The following TPRG1 variants were observed in gnomAD, a reference collection of about 807,000 sequenced individuals.
The protein encoded by TPRG1 is tumor protein p63 regulated 1, also known as tumor protein p63-regulated gene 1 protein.
Under a neutral mutation model 29.3 loss-of-function variants are expected in TPRG1, and 29 were observed. The observed-to-expected ratio is 0.99, with a 90% CI of 0.74 to 1.35. TPRG1 has a LOEUF of 1.35. Among genes scored for constraint, TPRG1 ranks in the 40% most tolerant of loss-of-function variants. TPRG1 has a pLI of 0.00. For synonymous variants in TPRG1, 130 were observed against 116.8 expected, an observed-to-expected ratio of 1.11 and a Z score of -0.73; for missense variants, 327 against 335.0, an observed-to-expected ratio of 0.98 and a Z score of 0.19.
intron 4 of TPRG1, among the ~76,000 whole-genome samples, chr3:189,265,300 C>T (rs1201486094): frequency 1.3e-5 from 2 of 152,180 alleles, no homozygotes; most frequent in South Asian, 2.1e-4. Flanking sequence ...ATGGGCCTGT[C>T]TTCTCCTTCC....
intron 5 of TPRG1, chr3:189,313,154 C>G (rs1299895206): frequency 6.6e-6 from 1 of 151,920 alleles, no homozygotes; most frequent in Admixed American, 6.6e-5. Flanking sequence ...AACAAATGAT[C>G]TCCATCTGGA....
intron 3 of TPRG1, among the ~76,000 whole-genome samples, chr3:189,142,738 C>T (rs1724737628): frequency 2.6e-5 from 4 of 152,168 alleles, no homozygotes; most frequent in Admixed American, 6.5e-5. Context: ...AGATTATTTT[C>T]GGCTGCCAGT....
intron 4 of TPRG1, among the ~76,000 whole-genome samples, chr3:189,265,811 G>A (rs1403316109): frequency 6.6e-6 from 1 of 152,176 alleles, no homozygotes. Flanking sequence ...AGAGTGGGGA[G>A]CGGGAAGGAA....
intron 4 of TPRG1, among the ~76,000 whole-genome samples, chr3:189,072,930 A>G (rs997086967): frequency 6.6e-6 from 1 of 152,134 alleles, no homozygotes; most frequent in Non-Finnish European, 1.5e-5. Context: ...CCCTTCAAGC[A>G]TGCTTCTGTG....
intron 5 of TPRG1, among the ~76,000 whole-genome samples, chr3:189,312,913 G>A (rs1722935217): frequency 1.3e-5 from 2 of 152,158 alleles, no homozygotes; most frequent in Admixed American, 6.6e-5. Flanking sequence ...ACAGGTGGGA[G>A]GCACATGCAC....
rs569896264 is a variant in TPRG1 at position 189,003,003 on chromosome 3, A to G, written c.-877-1540A>G. ...ACTCAATAAATATTAGCTATTAATA[A>G]TTTTAAAATGGCTTCCGAGTCTTCT... On this transcript the variant is annotated intron_variant, in intron 2 of 10. Transcript: ENST00000433971. Among the ~76,000 whole-genome samples the G allele has an allele frequency of 2.0e-5, 3 of 152,286 alleles. No homozygotes were observed. In the East Asian group the frequency reaches 5.8e-4, roughly 29 times the overall value.
intron 4 of TPRG1, among the ~76,000 whole-genome samples, chr3:189,092,442 CTTTTT>C (rs201972502): frequency 7.6e-6 from 1 of 131,336 alleles, no homozygotes; most frequent in African/African-American, 2.7e-5. Context: ...TCTGAAATTT[CTTTTT>C]TTTTTTTTTT....
Position 189,128,727 on chromosome 3 carries a change from A to C in TPRG1, c.-590+1517A>C, listed in dbSNP as rs115936831. ...TAGGTAACTTACCTAAGGACATGCC[A>C]CTGGTAGGTGTCAGTGTTGGCTCTT... On this transcript the variant is annotated intron_variant, in intron 2 of 6. Transcript: ENST00000412373. Among the ~76,000 whole-genome samples, 578 of 152,284 alleles carry C rather than the reference A, an allele frequency of 3.8e-3. 4 individuals are homozygous for C. Among genetic ancestry groups the C allele is most frequent in the African/African-American group, 0.013 (544 of 41,540 alleles).
intron 1 of TPRG1, chr3:189,120,272 T>C (rs1164460606): frequency 6.6e-6 from 1 of 152,194 alleles, no homozygotes; most frequent in Non-Finnish European, 1.5e-5. Context: ...AGTGACATGA[T>C]GACTAGAACC....
intron 4 of TPRG1, among the ~76,000 whole-genome samples, chr3:189,285,157 A>G (rs1560650886): frequency 1.3e-5 from 2 of 152,254 alleles, no homozygotes; most frequent in Non-Finnish European, 2.9e-5. Context: ...TCTCAAAAGA[A>G]GACATTTATG....
chr3:189,160,795 C>A (rs1221967353), intron 5 of TPRG1, among the ~76,000 whole-genome samples: 1 of 152,246 alleles, frequency 6.6e-6, no homozygotes, highest in Non-Finnish European at 1.5e-5. Flanking sequence ...TAGATCATCA[C>A]ACGGAAAATA....
At chr3:189,080,627 C>A (rs1004261298) in intron 4 of TPRG1, among the ~76,000 whole-genome samples, 2 of 151,948 alleles carry the variant, frequency 1.3e-5, no homozygotes, top group African/African-American at 4.8e-5. Context: ...GAAAGGTGGG[C>A]ATGGGCTAAG....
chr3:189,225,088 C>A (rs567165078), intron 3 of TPRG1, among the ~76,000 whole-genome samples: 5 of 152,068 alleles, frequency 3.3e-5, no homozygotes, highest in Admixed American at 1.3e-4. Context: ...CCCGCCACCA[C>A]GCCTGGCTAA....
At chr3:189,307,356 C>T (rs535027249) in intron 4 of TPRG1, among the ~76,000 whole-genome samples, 35 of 152,184 alleles carry the variant, frequency 2.3e-4, no homozygotes, top group Non-Finnish European at 4.6e-4. Flanking sequence ...GACAACTTAA[C>T]TTGTTTGTAA....
chr3:189,191,119 C>T, intron 1 of TPRG1: 13 of 222,960 alleles, frequency 5.8e-5, no homozygotes, highest in Non-Finnish European at 9.0e-5. Flanking sequence ...CATATTTATA[C>T]ACATATGGTC....
At chr3:189,106,321 C>T (rs565689619) in intron 1 of TPRG1, among the ~76,000 whole-genome samples, 5 of 152,096 alleles carry the variant, frequency 3.3e-5, no homozygotes, top group African/African-American at 4.8e-5. Flanking sequence ...TCTGCAACCC[C>T]AACCCTCCAA....
intron 5 of TPRG1, among the ~76,000 whole-genome samples, chr3:189,317,958 T>G (rs1196283784): frequency 1.3e-5 from 2 of 152,126 alleles, no homozygotes; most frequent in East Asian, 3.8e-4. Flanking sequence ...CTACTGCCTC[T>G]TCTTATTTGT....
chr3:189,305,843 C>A (rs1389841480), intron 4 of TPRG1, among the ~76,000 whole-genome samples: 3 of 152,196 alleles, frequency 2.0e-5, no homozygotes, highest in Non-Finnish European at 1.5e-5. Flanking sequence ...CTTATGGGAC[C>A]CTTCCCCTGC....
chr3:189,242,361 TTTTA>T, intron 4 of TPRG1, among the ~76,000 whole-genome samples: 1 of 152,192 alleles, frequency 6.6e-6, no homozygotes, highest in South Asian at 2.1e-4. Flanking sequence ...ATTAATCGTT[TTTTA>T]TTTATGCATA....
Sources: gnomAD v4.1 joint callset for allele counts (sites outside exome capture counted in the v4.1 genomes callset) on GRCh38, gnomAD v4.1.1 for gene constraint, MANE v1.5 for transcripts, NCBI Gene and HGNC (gene_info 2026-07-23, HGNC 2026-07-21) for gene names.